The following AGBL4 variants were observed in gnomAD, a reference collection of about 807,000 sequenced individuals.
AGBL4 encodes the protein cytosolic carboxypeptidase 6.
Under a neutral mutation model 66.4 loss-of-function variants are expected in AGBL4, and 58 were observed. That is an observed-to-expected ratio of 0.87 (90% CI 0.71 to 1.09). AGBL4 has a LOEUF of 1.09. Among genes scored for constraint, AGBL4 ranks in the 50% least tolerant of loss-of-function variants. The probability of loss-of-function intolerance (pLI) is 0.00; values close to 1 mark genes in which losing one functional copy is unlikely to be tolerated. For missense variants in AGBL4, 579 were observed against 631.0 expected, an observed-to-expected ratio of 0.92 and a Z score of 0.88; for synonymous variants, 234 against 222.9, an observed-to-expected ratio of 1.05 and a Z score of -0.44.
intron 2 of AGBL4, among the ~76,000 whole-genome samples, chr1:49,700,648 T>C (rs1647073692): frequency 6.6e-6 from 1 of 152,116 alleles, no homozygotes; most frequent in Non-Finnish European, 1.5e-5. Context: ...AAAGGAGTGA[T>C]ATCATACTGC....
Position 49,828,673 on chromosome 1 carries a change from T to G in AGBL4, c.157+22723A>C, listed in dbSNP as rs566051832. On this transcript the variant is annotated intron_variant, in intron 2 of 13. Transcript: ENST00000371839. ...TATTCTAACTCTGATGGGAAGCCAA[T>G]GAAGGTTTAAAATAGGGAAAGAATG... Among the ~76,000 whole-genome samples the G allele has an allele frequency of 5.3e-5, 8 of 152,256 alleles. No homozygotes were observed. In the South Asian group the frequency reaches 1.7e-3, roughly 32 times the overall value.
intron 4 of AGBL4, among the ~76,000 whole-genome samples, chr1:49,089,889 G>C (rs1259974721): frequency 6.6e-6 from 1 of 152,110 alleles, no homozygotes; most frequent in Non-Finnish European, 1.5e-5. Flanking sequence ...ACATCAAAAA[G>C]CTAATATGCC....
intron 6 of AGBL4, among the ~76,000 whole-genome samples, chr1:48,709,195 C>A (rs372135591): frequency 6.6e-6 from 1 of 152,200 alleles, no homozygotes; most frequent in Non-Finnish European, 1.5e-5. Flanking sequence ...ACTTCACCTC[C>A]GCCTTTCCTT....
intron 4 of AGBL4, among the ~76,000 whole-genome samples, chr1:49,094,590 A>C (rs997246068): frequency 2.6e-5 from 4 of 152,170 alleles, no homozygotes; most frequent in Non-Finnish European, 5.9e-5. Context: ...TCAGTTTGCC[A>C]GTATTTTATT....
chr1:49,320,899 A>G (rs907778717), intron 3 of AGBL4, among the ~76,000 whole-genome samples: 1 of 152,178 alleles, frequency 6.6e-6, no homozygotes, highest in African/African-American at 2.4e-5. Flanking sequence ...ATGTCTTCAC[A>G]AGGTGGCAGG....
chr1:48,753,240 TC>T (rs1557947882), intron 6 of AGBL4, among the ~76,000 whole-genome samples: 1 of 152,246 alleles, frequency 6.6e-6, no homozygotes. Flanking sequence ...GAGCTGGTTC[TC>T]CTGTCTGTAT....
chr1:49,061,142 T>G (rs1644395110), intron 4 of AGBL4, among the ~76,000 whole-genome samples: 2 of 152,092 alleles, frequency 1.3e-5, no homozygotes, highest in African/African-American at 4.8e-5. Context: ...GGGGCGAAAG[T>G]ACAATCACAG....
At chr1:48,638,927 G>C (rs528550250) in intron 8 of AGBL4, among the ~76,000 whole-genome samples, 1 of 152,294 alleles carries the variant, frequency 6.6e-6, no homozygotes, top group South Asian at 2.1e-4. Flanking sequence ...TTGAGGGCTA[G>C]AAAAGGTAAG....
At chr1:48,666,686 C>A (rs768847355) in intron 6 of AGBL4, among the ~76,000 whole-genome samples, 6 of 152,224 alleles carry the variant, frequency 3.9e-5, no homozygotes, top group Non-Finnish European at 8.8e-5. Context: ...AGTTAAGTGA[C>A]TTGTCCTAGT....
intron 2 of AGBL4, among the ~76,000 whole-genome samples, chr1:49,765,870 C>A (rs1652696424): frequency 1.3e-5 from 2 of 151,580 alleles, no homozygotes; most frequent in Admixed American, 6.6e-5. Flanking sequence ...TCTTTTAAAC[C>A]AACCCAGAGA....
chr1:49,703,102 GA>G (rs1041779304), intron 2 of AGBL4, among the ~76,000 whole-genome samples: 1 of 148,226 alleles, frequency 6.7e-6, no homozygotes, highest in Admixed American at 6.8e-5. Context: ...AAGTATGCCA[GA>G]AAAAAAAGCA....
intron 9 of AGBL4, among the ~76,000 whole-genome samples, chr1:48,622,411 G>A (rs1645428735): frequency 6.6e-6 from 1 of 151,324 alleles, no homozygotes; most frequent in Non-Finnish European, 1.5e-5. Flanking sequence ...GGTTGATTTG[G>A]TTTGGAACTC....
chr1:48,546,567 A>G (rs558965766), intron 11 of AGBL4, among the ~76,000 whole-genome samples: 44 of 152,332 alleles, frequency 2.9e-4, no homozygotes, highest in African/African-American at 1.0e-3. Context: ...AACCGCGTAG[A>G]GTGGAAGGTG....
At chr1:49,627,511 C>G (rs1645487221) in intron 3 of AGBL4, among the ~76,000 whole-genome samples, 1 of 152,072 alleles carries the variant, frequency 6.6e-6, no homozygotes, top group African/African-American at 2.4e-5. Flanking sequence ...ATTGTCCTGG[C>G]CATTGGTCAC....
intron 5 of AGBL4, among the ~76,000 whole-genome samples, chr1:48,988,564 C>T (rs959737383): frequency 1.3e-5 from 2 of 152,150 alleles, no homozygotes; most frequent in African/African-American, 4.8e-5. Flanking sequence ...AGCAGATTGC[C>T]TTGAGTTGTC....
chr1:48,803,837 C>T (rs943433927), intron 6 of AGBL4, among the ~76,000 whole-genome samples: 10 of 152,188 alleles, frequency 6.6e-5, no homozygotes, highest in Non-Finnish European at 4.4e-5. Flanking sequence ...CTGAATGGTT[C>T]TTCTCCAATC....
intron 2 of AGBL4, among the ~76,000 whole-genome samples, chr1:49,834,787 G>A (rs1430438734): frequency 6.6e-6 from 1 of 151,934 alleles, no homozygotes; most frequent in Non-Finnish European, 1.5e-5. Flanking sequence ...TTTCTCATTG[G>A]TTTCAAAGAA....
At chr1:49,364,327 A>G (rs549044452) in intron 3 of AGBL4, among the ~76,000 whole-genome samples, 1 of 152,198 alleles carries the variant, frequency 6.6e-6, no homozygotes, top group Non-Finnish European at 1.5e-5. Flanking sequence ...TCTAGACTAC[A>G]TTGGAAATAT....
At chr1:49,884,925 G>C (rs1647855407) in intron 1 of AGBL4, among the ~76,000 whole-genome samples, 1 of 151,830 alleles carries the variant, frequency 6.6e-6, no homozygotes, top group East Asian at 1.9e-4. Flanking sequence ...CTTATAAATA[G>C]GCCTGCTGAA....
Sources: gnomAD v4.1 joint callset for allele counts (sites outside exome capture counted in the v4.1 genomes callset) on GRCh38, gnomAD v4.1.1 for gene constraint, MANE v1.5 for transcripts, NCBI Gene and HGNC (gene_info 2026-07-23, HGNC 2026-07-21) for gene names.